The following COL6A5 variants were observed in gnomAD, a reference collection of about 807,000 sequenced individuals.
COL6A5 encodes the protein collagen type VI alpha 5 chain, also known as collagen alpha-5(VI) chain.
In COL6A5, 48 loss-of-function variants were observed where a neutral mutation model predicts 65.6. The observed-to-expected ratio is 0.73, with a 90% CI of 0.58 to 0.93. The LOEUF (loss-of-function observed/expected upper bound fraction) is 0.93. Ranked by LOEUF, COL6A5 falls within the 40% of genes least tolerant of loss-of-function variation. COL6A5 has a pLI of 0.00. For missense variants in COL6A5, 914 were observed against 928.3 expected, an observed-to-expected ratio of 0.98 and a Z score of 0.20; for synonymous variants, 291 against 322.8, an observed-to-expected ratio of 0.90 and a Z score of 1.05.
At chr3:130,412,420 G>A (rs1937205660) in intron 20 of COL6A5, among the ~76,000 whole-genome samples, 1 of 152,106 alleles carries the variant, frequency 6.6e-6, no homozygotes, top group African/African-American at 2.4e-5. Context: ...AGGTTTATTG[G>A]GCAATTGCCC....
At chr3:130,430,221 A>G (rs16827721), upstream of COL6A5, among the ~76,000 whole-genome samples, 6,336 of 152,240 alleles carry the variant, frequency 0.042, 268 homozygotes, top group African/African-American at 0.11. Flanking sequence ...GCAAAAATAT[A>G]CCTTGCAAAG....
exon 6 of COL6A5, chr3:130,389,096 T>C (rs1238426872): frequency 1.4e-6 from 2 of 1,450,648 alleles, no homozygotes; most frequent in Admixed American, 5.5e-5. Context: ...CTAAAGGCAC[T>C]AGAAAGGAAA....
At chr3:130,462,325 G>A (rs1055187646) in intron 5 of COL6A5, among the ~76,000 whole-genome samples, 10 of 152,036 alleles carry the variant, frequency 6.6e-5, no homozygotes, top group East Asian at 1.9e-4. Flanking sequence ...TTAAGCATGC[G>A]TCAGCACAAC....
chr3:130,472,317 G>T (rs751515358), intron 7 of COL6A5, among the ~76,000 whole-genome samples: 7 of 151,974 alleles, frequency 4.6e-5, no homozygotes, highest in African/African-American at 9.7e-5. Flanking sequence ...AACAACTAGG[G>T]TTTTCTTGGT....
At chr3:130,367,901 T>G (rs557010749) in intron 1 of COL6A5, among the ~76,000 whole-genome samples, 8 of 152,226 alleles carry the variant, frequency 5.3e-5, no homozygotes, top group Non-Finnish European at 8.8e-5. Context: ...TTGTATGCAG[T>G]AAGCTTCATG....
chr3:130,376,959 T>A, intron 3 of COL6A5, 123 bp downstream of exon 3: 1 of 1,077,364 alleles, frequency 9.3e-7, no homozygotes, highest in Non-Finnish European at 1.3e-6. Context: ...TGGAAACTTC[T>A]ACACATCATA....
chr3:130,440,468 C>T, exon 3 of COL6A5: 3 of 1,613,742 alleles, frequency 1.9e-6, no homozygotes, highest in South Asian at 2.2e-5. Flanking sequence ...AATGAAGAAT[C>T]ACATCCAGAC....
chr3:130,435,239 C>G (rs1468216775), intron 1 of COL6A5, among the ~76,000 whole-genome samples: 1 of 152,114 alleles, frequency 6.6e-6, no homozygotes, highest in East Asian at 1.9e-4. Context: ...TGTCGAAGAT[C>G]AGATTGTTCT....
At chr3:130,430,067 CA>C (rs1169595467), upstream of COL6A5, among the ~76,000 whole-genome samples, 2 of 152,154 alleles carry the variant, frequency 1.3e-5, no homozygotes, top group African/African-American at 4.8e-5. Context: ...GGCTGCATGG[CA>C]CCTTAGAGCC....
chr3:130,443,511 G>A lies in COL6A5; in HGVS notation c.1279G>A (p.Asp427Asn), dbSNP rs60021408. ...TCAGTACCCACCACCGATGCTTGAG[G>A]ATGCCTGTAGACTCATCAATTTAGG... The change falls in exon 4 of 8, where the codon GAT becomes AAT. Residue 427 changes from aspartate to asparagine, a missense_variant. Asp to Asn is a conservative substitution (Grantham distance 23, BLOSUM62 1). Coordinates refer to ENST00000512836, the Ensembl canonical transcript of COL6A5. 1.6e-4 allele frequency: 256 copies of A among 1,611,534 alleles called. No individual in the cohort carries two copies. In the African/African-American group the frequency reaches 2.8e-3, roughly 17 times the overall value.
chr3:130,355,547 T>TA (rs2107616067), intron 1 of COL6A5, among the ~76,000 whole-genome samples: 1 of 152,022 alleles, frequency 6.6e-6, no homozygotes, highest in South Asian at 2.1e-4. Context: ...TAGAGAGAGA[T>TA]ATATACACCT....
exon 3 of COL6A5, chr3:130,376,287 C>T (rs1935765792): frequency 1.9e-6 from 3 of 1,612,728 alleles, no homozygotes; most frequent in Non-Finnish European, 2.5e-6. Flanking sequence ...CAGCTCCGAT[C>T]ACCTGGGACC....
chr3:130,423,293 A>G (rs1937547143), intron 28 of COL6A5, among the ~76,000 whole-genome samples: 1 of 152,098 alleles, frequency 6.6e-6, no homozygotes, highest in Admixed American at 6.6e-5. Flanking sequence ...CTTAGAAGCA[A>G]AATGCTGAGA....
intron 21 of COL6A5, among the ~76,000 whole-genome samples, 165 bp from the exon 22 acceptor site, chr3:130,413,904 G>A (rs963248195): frequency 6.6e-6 from 1 of 151,824 alleles, no homozygotes; most frequent in African/African-American, 2.4e-5. Context: ...ACAAGTTTAT[G>A]TTCATTCCTT....
intron 2 of COL6A5, 78 bp from the exon 35 acceptor site, chr3:130,440,088 G>A (rs1393999035): frequency 1.3e-5 from 14 of 1,091,846 alleles, no homozygotes; most frequent in Non-Finnish European, 7.9e-6. Flanking sequence ...ATTAGTCACT[G>A]AGTCACTTGA....
intron 1 of COL6A5, among the ~76,000 whole-genome samples, chr3:130,353,278 C>T (rs1314022641): frequency 6.6e-6 from 1 of 152,188 alleles, no homozygotes; most frequent in African/African-American, 2.4e-5. Flanking sequence ...TTACTCCTCC[C>T]ACAAACACAT....
At chr3:130,469,016 G>A (rs1407848960) in exon 6 of COL6A5, 2 of 1,612,838 alleles carry the variant, frequency 1.2e-6, no homozygotes, top group Non-Finnish European at 8.5e-7. Flanking sequence ...CAGGGTTGCT[G>A]TCCTGAGCTA....
chr3:130,477,041 G>A (rs1252361655), intron 7 of COL6A5: 1 of 1,472,848 alleles, frequency 6.8e-7, no homozygotes, highest in Non-Finnish European at 9.2e-7. Flanking sequence ...TTGCAGATAA[G>A]GAAATGGAAG....
chr3:130,441,966 A>G (rs934457173), intron 3 of COL6A5, among the ~76,000 whole-genome samples: 2 of 152,086 alleles, frequency 1.3e-5, no homozygotes, highest in African/African-American at 2.4e-5. Context: ...TTTCCTTGCT[A>G]TTCAAAGGAT....
Sources: allele counts gnomAD v4.1 joint callset (sites outside exome capture counted in the v4.1 genomes callset), GRCh38; gene constraint gnomAD v4.1.1; transcripts MANE v1.5; gene names NCBI Gene and HGNC (gene_info 2026-07-23, HGNC 2026-07-21).